The following INPP4B variants were observed in gnomAD, a reference collection of about 807,000 sequenced individuals.
INPP4B encodes inositol polyphosphate-4-phosphatase type II B.
A neutral mutation model predicts 122.5 loss-of-function variants in INPP4B; 55 were observed. That is an observed-to-expected ratio of 0.45 (90% CI 0.36 to 0.56). The LOEUF is 0.56. INPP4B is among the 20% of genes least tolerant of loss of function. The pLI is 0.00. For missense variants in INPP4B, 1,000 were observed against 1,097.7 expected (o/e 0.91, Z 1.26); for synonymous variants, 403 against 388.7 (o/e 1.04, Z -0.43).
intron 2 of INPP4B, among the ~76,000 whole-genome samples, chr4:142,686,994 A>G (rs1213305439): frequency 1.3e-5 from 2 of 152,050 alleles, no homozygotes; most frequent in Admixed American, 6.6e-5. Flanking sequence ...TTTTTGGTAT[A>G]TGGGAAACAG....
At chr4:142,320,742 T>C (rs1024201333) in intron 7 of INPP4B, among the ~76,000 whole-genome samples, 2 of 152,208 alleles carry the variant, frequency 1.3e-5, no homozygotes, top group South Asian at 2.1e-4. Flanking sequence ...TGAGAAATAC[T>C]ATGTTTGGTT....
intron 25 of INPP4B, among the ~76,000 whole-genome samples, chr4:142,069,879 A>T (rs1243376444): frequency 6.6e-6 from 1 of 152,224 alleles, no homozygotes; most frequent in Non-Finnish European, 1.5e-5. Context: ...GACCAGATGT[A>T]TTCACAGCCA....
At chr4:142,108,887 C>A (rs1788571186) in intron 22 of INPP4B, among the ~76,000 whole-genome samples, 1 of 152,082 alleles carries the variant, frequency 6.6e-6, no homozygotes, top group Non-Finnish European at 1.5e-5. Flanking sequence ...ATGTAAATGG[C>A]TTCCAATATG....
chr4:142,832,663 A>T (rs570287531), intron 1 of INPP4B, among the ~76,000 whole-genome samples: 1 of 152,312 alleles, frequency 6.6e-6, no homozygotes, highest in Non-Finnish European at 1.5e-5. Context: ...TATGAATTTA[A>T]ACTGCTTTAG....
At chr4:142,036,009 G>A (rs1382167934) in intron 25 of INPP4B, among the ~76,000 whole-genome samples, 1 of 152,128 alleles carries the variant, frequency 6.6e-6, no homozygotes, top group African/African-American at 2.4e-5. Context: ...TACATGGACA[G>A]TGAGCTTAGT....
At chr4:142,222,073 G>T (rs1849607486) in intron 12 of INPP4B, among the ~76,000 whole-genome samples, 1 of 152,054 alleles carries the variant, frequency 6.6e-6, no homozygotes, top group South Asian at 2.1e-4. Context: ...CATTCTCCTG[G>T]CTCAGCCTCC....
At chr4:142,243,315 A>T (rs72722417) in intron 11 of INPP4B, among the ~76,000 whole-genome samples, 1,783 of 151,706 alleles carry the variant, frequency 0.012, 20 homozygotes, top group Middle Eastern at 0.044. Flanking sequence ...CATCTAAGAG[A>T]TGGTTCTATT....
At chr4:142,703,109 GA>G (rs1435815795) in intron 2 of INPP4B, among the ~76,000 whole-genome samples, 1 of 152,084 alleles carries the variant, frequency 6.6e-6, no homozygotes, top group East Asian at 1.9e-4. Flanking sequence ...AAGAGATTGT[GA>G]AAAAACTTGG....
At chr4:142,254,675 A>G (rs887190937) in intron 11 of INPP4B, among the ~76,000 whole-genome samples, 22 of 152,080 alleles carry the variant, frequency 1.4e-4, no homozygotes, top group African/African-American at 4.1e-4. Context: ...AAAGAAATGA[A>G]CAAAGCCTCC....
intron 9 of INPP4B, among the ~76,000 whole-genome samples, chr4:142,298,020 T>C (rs1337705812): frequency 4.6e-5 from 7 of 152,174 alleles, no homozygotes; most frequent in Non-Finnish European, 1.0e-4. Context: ...GTAATGCAGG[T>C]GGTGACTAAG....
chr4:142,356,463 C>T (rs372612629), intron 7 of INPP4B, among the ~76,000 whole-genome samples: 1 of 151,590 alleles, frequency 6.6e-6, no homozygotes, highest in Non-Finnish European at 1.5e-5. Flanking sequence ...CCATCCAGAA[C>T]TCAAGGGTTG....
intron 11 of INPP4B, among the ~76,000 whole-genome samples, chr4:142,244,836 C>T (rs1579420632): frequency 6.6e-6 from 1 of 152,194 alleles, no homozygotes; most frequent in Admixed American, 6.5e-5. Flanking sequence ...CTAACTTACA[C>T]TCCTACCAAC....
intron 18 of INPP4B, among the ~76,000 whole-genome samples, chr4:142,127,925 G>A (rs1418637433): frequency 2.6e-5 from 4 of 152,016 alleles, no homozygotes; most frequent in African/African-American, 7.2e-5. Flanking sequence ...CAGTGGCTAC[G>A]ACAGGCCAAA....
intron 2 of INPP4B, among the ~76,000 whole-genome samples, chr4:142,472,639 T>C (rs1819068049): frequency 6.6e-6 from 1 of 152,204 alleles, no homozygotes; most frequent in Admixed American, 6.5e-5. Context: ...CAAAAGATTC[T>C]TATACCTACT....
intron 23 of INPP4B, among the ~76,000 whole-genome samples, chr4:142,102,695 G>T (rs902245633): frequency 6.6e-6 from 1 of 152,022 alleles, no homozygotes; most frequent in African/African-American, 2.4e-5. Context: ...TTCCCTGGAA[G>T]CCAGAGGACT....
At position 142,445,189 on chromosome 4, in the gene INPP4B, GA is replaced by G. The variant is rs968396425; in HGVS notation, c.-126-13805del. Among the ~76,000 whole-genome samples the G allele has an allele frequency of 4.1e-4, 62 of 150,224 alleles. No homozygotes were observed. In the East Asian group the frequency reaches 8.6e-3, roughly 21 times the overall value. On this transcript the variant is annotated intron_variant, in intron 3 of 25. Coordinates refer to ENST00000262992, the MANE Select transcript of INPP4B (RefSeq NM_001101669.3). ...CAGAACTTAAATTATAATAAAAAAA[GA>G]AAAAAAAATTATCCAGACTTAAACA...
At chr4:142,573,657 T>TA (rs1346587859) in intron 2 of INPP4B, among the ~76,000 whole-genome samples, 1 of 152,110 alleles carries the variant, frequency 6.6e-6, no homozygotes, top group Non-Finnish European at 1.5e-5. Flanking sequence ...ATTAGTTTGG[T>TA]AAAAGGATGC....
intron 2 of INPP4B, among the ~76,000 whole-genome samples, chr4:142,592,114 A>T (rs181575222): frequency 2.2e-4 from 33 of 152,318 alleles, no homozygotes; most frequent in African/African-American, 7.7e-4. Context: ...AACTTTGCAT[A>T]ATACCTGTCC....
chr4:142,558,561 A>G (rs1327934393), intron 2 of INPP4B, among the ~76,000 whole-genome samples: 2 of 152,064 alleles, frequency 1.3e-5, no homozygotes, highest in Non-Finnish European at 2.9e-5. Context: ...TATTCAGGCT[A>G]TGGTGTGCCA....
Sources: allele counts gnomAD v4.1 joint callset (sites outside exome capture counted in the v4.1 genomes callset), GRCh38; gene constraint gnomAD v4.1.1; transcripts MANE v1.5; gene names NCBI Gene and HGNC (gene_info 2026-07-23, HGNC 2026-07-21).